CSMD1: variants seen among roughly 807,000 people sequenced by gnomAD.
The protein encoded by CSMD1 is CUB and Sushi multiple domains 1, also known as CUB and sushi domain-containing protein 1.
A neutral mutation model predicts 417.5 loss-of-function variants in CSMD1; 213 were observed. The ratio of observed to expected loss-of-function variants is 0.51; its 90% CI spans 0.46 to 0.57. The LOEUF (loss-of-function observed/expected upper bound fraction) is 0.57. CSMD1 is among the 20% of genes least tolerant of loss of function. The pLI is 0.00. For missense variants in CSMD1, 6,923 were observed against 4,529.7 expected, an observed-to-expected ratio of 1.53 and a Z score of -15.17; for synonymous variants, 2,862 against 1,736.8, an observed-to-expected ratio of 1.65 and a Z score of -16.11.
intron 5 of CSMD1, among the ~76,000 whole-genome samples, chr8:3,984,123 C>CTCTAGAGCACACAGG (rs1482201262): frequency 6.6e-6 from 1 of 151,928 alleles, no homozygotes; most frequent in African/African-American, 2.4e-5. Flanking sequence ...GAGCACACAG[C>CTCTAGAGCACACAGG]AGATCTGATG....
chr8:4,223,662 T>G (rs907192547), intron 3 of CSMD1, among the ~76,000 whole-genome samples: 2 of 152,242 alleles, frequency 1.3e-5, no homozygotes, highest in African/African-American at 2.4e-5. Context: ...CCAGTCTGTC[T>G]GTGCTCTTGG....
intron 5 of CSMD1, among the ~76,000 whole-genome samples, chr8:3,941,341 C>T (rs1470762496): frequency 1.3e-5 from 2 of 152,182 alleles, no homozygotes; most frequent in East Asian, 1.9e-4. Flanking sequence ...AACTTTTCTT[C>T]TACATTGTAT....
At chr8:4,768,575 C>T (rs757759000) in intron 1 of CSMD1, among the ~76,000 whole-genome samples, 11 of 152,226 alleles carry the variant, frequency 7.2e-5, no homozygotes, top group Admixed American at 1.3e-4. Flanking sequence ...TTGGATTGCA[C>T]GAGCTCAGAG....
intron 5 of CSMD1, among the ~76,000 whole-genome samples, chr8:3,834,954 A>C (rs192477476): frequency 8.8e-4 from 134 of 152,214 alleles, no homozygotes; most frequent in Non-Finnish European, 1.6e-3. Flanking sequence ...GCAGTCAAAA[A>C]ACACATGAAA....
At chr8:3,994,447 G>GGAAAA (rs776782494) in intron 5 of CSMD1, among the ~76,000 whole-genome samples, 2 of 119,122 alleles carry the variant, frequency 1.7e-5, no homozygotes, top group African/African-American at 6.0e-5. Flanking sequence ...AATCTCTTCA[G>GGAAAA]AAAAAAAAAA....
chr8:4,113,384 A>C (rs1288541826), intron 3 of CSMD1, among the ~76,000 whole-genome samples: 1 of 147,188 alleles, frequency 6.8e-6, no homozygotes, highest in African/African-American at 2.5e-5. Flanking sequence ...AAGGAAAATA[A>C]AAGGGCTTTT....
At chr8:4,035,845 A>C (rs771259129) in intron 3 of CSMD1, among the ~76,000 whole-genome samples, 2 of 152,202 alleles carry the variant, frequency 1.3e-5, no homozygotes, top group African/African-American at 4.8e-5. Flanking sequence ...TACAGTGTTT[A>C]TGAAGTCTAC....
At chr8:4,820,762 C>A (rs1799478426) in intron 1 of CSMD1, among the ~76,000 whole-genome samples, 3 of 152,120 alleles carry the variant, frequency 2.0e-5, no homozygotes, top group Admixed American at 1.3e-4. Context: ...GACATTTATT[C>A]CTGTTTTTCC....
intron 52 of CSMD1, among the ~76,000 whole-genome samples, chr8:3,011,727 A>G (rs1808397538): frequency 6.6e-6 from 1 of 152,202 alleles, no homozygotes; most frequent in Admixed American, 6.5e-5. Flanking sequence ...AACATAGTGG[A>G]GAGAGGATGG....
chr8:4,244,478 A>AT (rs1298599564), intron 3 of CSMD1, among the ~76,000 whole-genome samples: 1 of 152,150 alleles, frequency 6.6e-6, no homozygotes, highest in African/African-American at 2.4e-5. Flanking sequence ...TAAATGTATG[A>AT]TTTTGGATAA....
chr8:4,828,221 A>G (rs934206084), intron 1 of CSMD1, among the ~76,000 whole-genome samples: 1 of 152,202 alleles, frequency 6.6e-6, no homozygotes, highest in Non-Finnish European at 1.5e-5. Context: ...TTAATATTCT[A>G]CATGCTAAGC....
At chr8:3,240,911 A>G (rs112476295) in intron 26 of CSMD1, among the ~76,000 whole-genome samples, 120,227 of 151,776 alleles carry the variant, frequency 0.79, 48,528 homozygotes, top group Non-Finnish European at 0.88. Flanking sequence ...TGTAGCAGGC[A>G]AGTGATAACA....
At chr8:4,357,830 TAA>T (rs1801515890) in intron 3 of CSMD1, among the ~76,000 whole-genome samples, 1 of 152,112 alleles carries the variant, frequency 6.6e-6, no homozygotes, top group Non-Finnish European at 1.5e-5. Flanking sequence ...TTACAAAATT[TAA>T]AAGTGTGAGT....
chr8:4,425,618 T>C (rs1160491858), intron 2 of CSMD1, among the ~76,000 whole-genome samples: 3 of 152,170 alleles, frequency 2.0e-5, no homozygotes, highest in Admixed American at 2.0e-4. Flanking sequence ...ATCCTTTCCA[T>C]GAGGGCCCTT....
chr8:3,837,607 G>C (rs1585069175), intron 5 of CSMD1, among the ~76,000 whole-genome samples: 1 of 152,154 alleles, frequency 6.6e-6, no homozygotes, highest in African/African-American at 2.4e-5. Flanking sequence ...AGTCTTAATA[G>C]AAATTCTAGC....
At chr8:4,432,380 A>G (rs1797919994) in intron 2 of CSMD1, among the ~76,000 whole-genome samples, 1 of 152,150 alleles carries the variant, frequency 6.6e-6, no homozygotes, top group Non-Finnish European at 1.5e-5. Flanking sequence ...TTAGTGATTA[A>G]CCTACACTAA....
chr8:3,263,018 C>T (rs1201039098), intron 26 of CSMD1, among the ~76,000 whole-genome samples: 1 of 152,186 alleles, frequency 6.6e-6, no homozygotes, highest in African/African-American at 2.4e-5. Flanking sequence ...AATAAATCTC[C>T]TTGACCCATA....
chr8:4,040,698 T>C (rs930292642), intron 3 of CSMD1, among the ~76,000 whole-genome samples: 21 of 152,176 alleles, frequency 1.4e-4, no homozygotes, highest in African/African-American at 4.3e-4. Flanking sequence ...GGCAAATTCA[T>C]ATAATAGCAA....
intron 3 of CSMD1, among the ~76,000 whole-genome samples, chr8:4,251,533 G>C (rs1357588907): frequency 6.6e-6 from 1 of 152,126 alleles, no homozygotes; most frequent in Non-Finnish European, 1.5e-5. Context: ...TAGCCTAAAT[G>C]ATCTCTAAGC....
Sources: allele counts gnomAD v4.1 joint callset (sites outside exome capture counted in the v4.1 genomes callset), GRCh38; gene constraint gnomAD v4.1.1; transcripts MANE v1.5; gene names NCBI Gene and HGNC (gene_info 2026-07-23, HGNC 2026-07-21).